The following GRIK5 variants were observed in gnomAD, a reference collection of about 807,000 sequenced individuals.
GRIK5 encodes glutamate receptor ionotropic, kainate 5.
A neutral mutation model predicts 97.4 loss-of-function variants in GRIK5; 43 were observed. The ratio of observed to expected loss-of-function variants is 0.44; its 90% confidence interval spans 0.35 to 0.57. The LOEUF (loss-of-function observed/expected upper bound fraction) is 0.57, where lower values mean the gene tolerates loss of function less well. GRIK5 is among the 20% of genes least tolerant of loss of function. The probability of loss-of-function intolerance (pLI) is 0.01; values close to 1 mark genes in which losing one functional copy is unlikely to be tolerated. For synonymous variants in GRIK5, 580 were observed against 583.5 expected, an observed-to-expected ratio of 0.99 and a Z score of 0.09; for missense variants, 1,015 against 1,382.0, an observed-to-expected ratio of 0.73 and a Z score of 4.21.
chr19:42,049,724 T>C (rs1036169544), intron 11 of GRIK5, among the ~76,000 whole-genome samples: 3 of 152,142 alleles, frequency 2.0e-5, no homozygotes, highest in Non-Finnish European at 4.4e-5. Flanking sequence ...ACACGATTTG[T>C]GCACATTTCT....
intron 12 of GRIK5, among the ~76,000 whole-genome samples, chr19:42,033,071 G>C (rs769825396): frequency 6.6e-6 from 1 of 152,212 alleles, no homozygotes; most frequent in African/African-American, 2.4e-5. Flanking sequence ...TGTAATCCCA[G>C]CACTCTGGGA....
chr19:42,035,519 T>A (rs1210613), intron 12 of GRIK5, among the ~76,000 whole-genome samples: 152,096 of 152,098 alleles, frequency 1, 76,047 homozygotes, highest in Middle Eastern at 1. Flanking sequence ...CAGCCTGGCC[T>A]ACATGGTGAA....
Position 42,006,924 on chromosome 19 carries a change from TCA to T in GRIK5, c.1872-116_1872-115del, listed in dbSNP as rs2146019036. The T allele has an allele frequency of 1.4e-6, 1 of 706,062 alleles. No individual in the cohort carries two copies. Among genetic ancestry groups the T allele is most frequent in the East Asian group, 2.7e-5 (1 of 36,456 alleles). 43.7% of individuals were successfully genotyped at this position (706,062 alleles called of 1,614,324 possible). ...CAAGTGACCCCAGCATCTGGAAGACTCAGTGACTGCTGGGTGCAGAAGCGGGG... is the reference window on the plus strand; with the variant it reads ...CAAGTGACCCCAGCATCTGGAAGACTGTGACTGCTGGGTGCAGAAGCGGGG... On this transcript the variant is annotated intron_variant, in intron 15 of 19. Transcript: ENST00000593562. The surrounding 1 kb of genome is among the most constrained non-coding windows in gnomAD (Gnocchi z 5.3).
At chr19:42,067,048 A>G (rs2076343938) in intron 1 of GRIK5, among the ~76,000 whole-genome samples, 1 of 152,218 alleles carries the variant, frequency 6.6e-6, no homozygotes, top group South Asian at 2.1e-4. Context: ...CAGGGCAACC[A>G]CTGGGCAAGG....
chr19:42,060,749 T>C (rs76622065), intron 5 of GRIK5, among the ~76,000 whole-genome samples: 103 of 151,814 alleles, frequency 6.8e-4, no homozygotes, highest in African/African-American at 2.4e-3. Flanking sequence ...TCCTCTCACA[T>C]CCTTACACAG....
intron 8 of GRIK5, among the ~76,000 whole-genome samples, chr19:42,055,603 C>T (rs966121654): frequency 6.6e-6 from 1 of 152,096 alleles, no homozygotes; most frequent in Non-Finnish European, 1.5e-5. Context: ...TACAGTAAGC[C>T]ACATCGTGAT....
chr19:42,067,644 G>A (rs2076355617), intron 1 of GRIK5, among the ~76,000 whole-genome samples: 1 of 152,152 alleles, frequency 6.6e-6, no homozygotes, highest in Non-Finnish European at 1.5e-5. Context: ...GGAGAGATGG[G>A]ACAGAAGGAC....
At chr19:42,030,626 T>TA (rs1353714172) in intron 12 of GRIK5, among the ~76,000 whole-genome samples, 1 of 152,008 alleles carries the variant, frequency 6.6e-6, no homozygotes, top group Non-Finnish European at 1.5e-5. Flanking sequence ...CAGCTAATTT[T>TA]TTTTTTTTTT....
At chr19:42,036,469 C>T (rs938914278) in intron 12 of GRIK5, among the ~76,000 whole-genome samples, 1 of 152,162 alleles carries the variant, frequency 6.6e-6, no homozygotes, top group Non-Finnish European at 1.5e-5. Context: ...CCTCCCACCT[C>T]CCAGCCTCCT....
At chr19:42,038,602 C>A in intron 12 of GRIK5, among the ~76,000 whole-genome samples, 1 of 152,270 alleles carries the variant, frequency 6.6e-6, no homozygotes, top group East Asian at 1.9e-4. Context: ...TCAGTGTACT[C>A]CGAGCTTCCC....
intron 15 of GRIK5, among the ~76,000 whole-genome samples, chr19:42,015,940 T>C (rs1395298564): frequency 6.6e-6 from 1 of 152,176 alleles, no homozygotes; most frequent in South Asian, 2.1e-4. Context: ...AGAACACATG[T>C]GCAAAGCTAT....
intron 11 of GRIK5, among the ~76,000 whole-genome samples, chr19:42,043,671 C>G (rs2076008368): frequency 6.6e-6 from 1 of 151,924 alleles, no homozygotes; most frequent in Non-Finnish European, 1.5e-5. Flanking sequence ...CTCGGCCTCC[C>G]AAAGTGCAGG....
rs782154985 is a variant in GRIK5, at chr19:42,005,808, G to A, written c.2178C>T (p.Asn726=). Residue 726 remains asparagine (N), a synonymous_variant, in exon 17 of 20, where the codon AAC becomes AAT. Coordinates refer to ENST00000593562, the MANE Select transcript of GRIK5 (RefSeq NM_002088.5). The part of the protein sequence containing the change: ...RYAFLLESTM[N]EYHRRLNCNL... ...TGCAGTTGAGGCGCCGGTGGTATTC[G>A]TTCATGGTGGACTCGAGCAGGAAGG... 8.1e-6 allele frequency: 13 copies of A among 1,613,914 alleles called. No individual in the cohort carries two copies. The highest frequency in any genetic ancestry group is 1.6e-4 in the Middle Eastern group (1 of 6,084).
intron 15 of GRIK5, among the ~76,000 whole-genome samples, chr19:42,012,546 C>T (rs1012026472): frequency 3.7e-4 from 57 of 152,214 alleles, no homozygotes; most frequent in African/African-American, 1.1e-3. Flanking sequence ...CCACCACGCC[C>T]GGCCAGTTTT....
intron 15 of GRIK5, among the ~76,000 whole-genome samples, chr19:42,018,165 A>AAG (rs2075650270): frequency 6.7e-6 from 1 of 149,666 alleles, no homozygotes; most frequent in African/African-American, 2.5e-5. Flanking sequence ...AAAAAAAAAA[A>AAG]AAAAAAAAAT....
intron 15 of GRIK5, among the ~76,000 whole-genome samples, chr19:42,011,018 G>C (rs1300446072): frequency 6.6e-6 from 1 of 151,752 alleles, no homozygotes; most frequent in African/African-American, 2.4e-5. Context: ...TGTTGGCCAG[G>C]CTGGTGTTGG....
At chr19:42,023,101 T>C (rs75529547) in intron 12 of GRIK5, among the ~76,000 whole-genome samples, 3,626 of 151,336 alleles carry the variant, frequency 0.024, 138 homozygotes, top group African/African-American at 0.083. Flanking sequence ...AAATCCACGG[T>C]CAAAGAGAGA....
Position 42,024,358 on chromosome 19 carries a change from G to T in GRIK5, c.1474-2004C>A, listed in dbSNP as rs368569257. On this transcript the variant is annotated intron_variant, in intron 12 of 19. Coordinates refer to ENST00000593562, the MANE Select transcript of GRIK5 (RefSeq NM_002088.5). The stretch of plus-strand genomic sequence containing the variant: ...CTCCCGAGTAGCTGGGATTACAGGG[G>T]CATGCCACCATGCCCGGCTGATTTT... Among the ~76,000 whole-genome samples the T allele has an allele frequency of 5.3e-5, 8 of 151,978 alleles. No homozygotes were observed. In the South Asian group the frequency reaches 1.5e-3, roughly 28 times the overall value.
intron 15 of GRIK5, among the ~76,000 whole-genome samples, chr19:42,008,151 G>A (rs1047490104): frequency 6.6e-6 from 1 of 151,936 alleles, no homozygotes; most frequent in African/African-American, 2.4e-5. Flanking sequence ...CTGAGTAGTT[G>A]GGATTACAGG....
Sources: allele counts gnomAD v4.1 joint callset (sites outside exome capture counted in the v4.1 genomes callset), GRCh38; gene constraint gnomAD v4.1.1; non-coding constraint Gnocchi (gnomAD v3.1); transcripts MANE v1.5; gene names NCBI Gene and HGNC (gene_info 2026-07-23, HGNC 2026-07-21).